Variants in PTPN4 observed in about 807,000 individuals in gnomAD.
PTPN4 encodes tyrosine-protein phosphatase non-receptor type 4.
In PTPN4, 49 loss-of-function variants were observed where a neutral mutation model predicts 135.5. That is an observed-to-expected ratio of 0.36 (90% CI 0.29 to 0.46). The LOEUF is 0.46. Among genes scored for constraint, PTPN4 ranks in the 20% least tolerant of loss-of-function variants. The pLI is 1.00. For synonymous variants in PTPN4, 333 were observed against 369.9 expected, an observed-to-expected ratio of 0.90 and a Z score of 1.14; for missense variants, 860 against 1,101.0, an observed-to-expected ratio of 0.78 and a Z score of 3.10.
chr2:119,771,848 TG>T (rs2104921114), intron 1 of PTPN4, among the ~76,000 whole-genome samples: 1 of 152,354 alleles, frequency 6.6e-6, no homozygotes, highest in Admixed American at 6.5e-5. Flanking sequence ...TCTGGACTCT[TG>T]TAGTAGTCTT....
intron 24 of PTPN4, 136 bp downstream of exon 24, chr2:119,962,880 G>A: frequency 4.5e-6 from 3 of 673,784 alleles, no homozygotes; most frequent in Non-Finnish European, 6.4e-6. Flanking sequence ...TGCTTTAATG[G>A]GGTACTTTGG....
At position 119,984,243 on chromosome 2, in the gene PTPN4, G is replaced by A. The variant is rs1233684502; in HGVS notation, c.*7173G>A. Reference sequence around the variant, plus strand: ...ATATCTGCATTATTGATATTTTTAAGTAGTAGTTTTAAAAATAATTATTTC... The same window carrying A: ...ATATCTGCATTATTGATATTTTTAAATAGTAGTTTTAAAAATAATTATTTC... On this transcript the variant is annotated 3_prime_UTR_variant, in exon 27 of 27. Coordinates refer to ENST00000263708, the MANE Select transcript of PTPN4 (RefSeq NM_002830.4). Among the ~76,000 whole-genome samples the A allele has an allele frequency of 6.6e-6, 1 of 152,046 alleles. No individual in the cohort carries two copies. Among genetic ancestry groups the A allele is most frequent in the Non-Finnish European group, 1.5e-5 (1 of 68,010 alleles).
chr2:119,823,783 G>A (rs1201261681), intron 2 of PTPN4, among the ~76,000 whole-genome samples: 3 of 152,086 alleles, frequency 2.0e-5, no homozygotes, highest in South Asian at 2.1e-4. Flanking sequence ...TATGAGTGCC[G>A]TTTTCTTCCA....
chr2:119,956,448 A>G (rs961520510), intron 20 of PTPN4, among the ~76,000 whole-genome samples: 8 of 152,050 alleles, frequency 5.3e-5, no homozygotes, highest in Non-Finnish European at 8.8e-5. Context: ...CATATATGTT[A>G]TAGGTAAGTG....
chr2:119,849,282 T>C (rs566238168), intron 2 of PTPN4, among the ~76,000 whole-genome samples: 1 of 152,316 alleles, frequency 6.6e-6, no homozygotes, highest in East Asian at 1.9e-4. Flanking sequence ...TATGTTTTCG[T>C]TTAAACTTGA....
At chr2:119,962,925 A>C (rs1157524835) in intron 24 of PTPN4, among the ~76,000 whole-genome samples, 181 bp downstream of exon 24, 2 of 152,194 alleles carry the variant, frequency 1.3e-5, no homozygotes, top group East Asian at 3.8e-4. Context: ...TTCTATTATA[A>C]AATTAATGTT....
At chr2:119,957,264 A>T (rs1326627304) in intron 22 of PTPN4, among the ~76,000 whole-genome samples, 187 bp downstream of exon 22, 2 of 152,308 alleles carry the variant, frequency 1.3e-5, no homozygotes, top group East Asian at 3.9e-4. Context: ...GAGCAGTGGA[A>T]TGGAATAGTC....
chr2:119,824,072 G>A (rs553884981), intron 2 of PTPN4, among the ~76,000 whole-genome samples: 1 of 152,266 alleles, frequency 6.6e-6, no homozygotes, highest in African/African-American at 2.4e-5. Context: ...TTATTTATAT[G>A]TATGTCGTTT....
At chr2:119,844,631 G>A (rs1677456642) in intron 2 of PTPN4, among the ~76,000 whole-genome samples, 1 of 151,360 alleles carries the variant, frequency 6.6e-6, no homozygotes, top group Admixed American at 6.6e-5. Flanking sequence ...CGGGGCAGAG[G>A]CGCTCCCCAC....
chr2:119,881,409 G>A (rs1192322042), intron 5 of PTPN4, among the ~76,000 whole-genome samples: 1 of 152,104 alleles, frequency 6.6e-6, no homozygotes, highest in Non-Finnish European at 1.5e-5. Context: ...CTGGTCTCTA[G>A]TGCATTGCTT....
chr2:119,766,965 A>C (rs1173768846), intron 1 of PTPN4, among the ~76,000 whole-genome samples: 1 of 152,234 alleles, frequency 6.6e-6, no homozygotes, highest in African/African-American at 2.4e-5. Flanking sequence ...GTATTTTGCT[A>C]GACAGCGAAG....
chr2:119,830,110 C>T (rs75900178), intron 2 of PTPN4, among the ~76,000 whole-genome samples: 4,065 of 152,150 alleles, frequency 0.027, 77 homozygotes, highest in Non-Finnish European at 0.041. Flanking sequence ...GCCATAGTCA[C>T]AAAGGTGTGT....
At chr2:119,881,420 A>G (rs1046258767) in intron 5 of PTPN4, among the ~76,000 whole-genome samples, 2 of 152,180 alleles carry the variant, frequency 1.3e-5, no homozygotes, top group South Asian at 2.1e-4. Flanking sequence ...TGCATTGCTT[A>G]CAATGCTCTT....
At chr2:119,891,461 T>TA (rs1678239756) in intron 9 of PTPN4, among the ~76,000 whole-genome samples, 1 of 152,166 alleles carries the variant, frequency 6.6e-6, no homozygotes, top group Non-Finnish European at 1.5e-5. Context: ...TAGCTGGGAT[T>TA]ACTGGCGCAC....
At chr2:119,797,293 G>C (rs970624466) in intron 1 of PTPN4, among the ~76,000 whole-genome samples, 3 of 152,108 alleles carry the variant, frequency 2.0e-5, no homozygotes, top group Non-Finnish European at 4.4e-5. Context: ...ATATATGGGG[G>C]TATTATTCTG....
At chr2:119,812,660 T>C (rs532096462) in intron 2 of PTPN4, among the ~76,000 whole-genome samples, 123 of 152,304 alleles carry the variant, frequency 8.1e-4, no homozygotes, top group African/African-American at 2.7e-3. Flanking sequence ...GGTATAACCA[T>C]TTATTTACTG....
intron 23 of PTPN4, 109 bp downstream of exon 23, chr2:119,961,062 C>G: frequency 1.6e-6 from 2 of 1,266,416 alleles, no homozygotes; most frequent in Non-Finnish European, 1.1e-6. Context: ...CTTTAATCTT[C>G]TTTTCTTGTG....
chr2:119,891,115 T>C (rs2105008715), intron 9 of PTPN4, among the ~76,000 whole-genome samples: 1 of 152,330 alleles, frequency 6.6e-6, no homozygotes, highest in African/African-American at 2.4e-5. Flanking sequence ...CATGTAAATT[T>C]GGTCACCTTA....
chr2:119,802,211 A>G (rs1449863861), intron 1 of PTPN4, among the ~76,000 whole-genome samples: 1 of 152,010 alleles, frequency 6.6e-6, no homozygotes, highest in African/African-American at 2.4e-5. Flanking sequence ...TCCTTTTTTT[A>G]ACCTCACAGC....
Sources: allele counts gnomAD v4.1 joint callset (sites outside exome capture counted in the v4.1 genomes callset), GRCh38; gene constraint gnomAD v4.1.1; transcripts MANE v1.5; gene names NCBI Gene and HGNC (gene_info 2026-07-23, HGNC 2026-07-21).